LRP1B: variants seen among roughly 807,000 people sequenced by gnomAD.
LRP1B encodes low-density lipoprotein receptor-related protein 1B.
A neutral mutation model predicts 556.6 loss-of-function variants in LRP1B; 217 were observed. The ratio of observed to expected loss-of-function variants is 0.39; its 90% CI spans 0.35 to 0.44. LRP1B has a LOEUF of 0.44. Among genes scored for constraint, LRP1B ranks in the 20% least tolerant of loss-of-function variants. The probability of loss-of-function intolerance (pLI) is 1.00; values close to 1 mark genes in which losing one functional copy is unlikely to be tolerated. For missense variants in LRP1B, 5,053 were observed against 5,620.8 expected, an observed-to-expected ratio of 0.90 and a Z score of 3.23; for synonymous variants, 2,047 against 1,865.8, an observed-to-expected ratio of 1.10 and a Z score of -2.50.
In LRP1B at chr2:140,614,959, A is replaced by G. The variant is rs562798442; in HGVS notation, c.6800-13320T>C. ...TTCCTGGGCATAGGCCAAGCTATCT[A>G]TGGGAAGAATTTAGTTTGTAGTTTA... On this transcript the variant is annotated intron_variant, in intron 41 of 90. Coordinates refer to ENST00000389484, the MANE Select transcript of LRP1B (RefSeq NM_018557.3). 4.6e-5 allele frequency among the ~76,000 whole-genome samples: 7 copies of G among 152,252 alleles called. No homozygotes were observed. In the South Asian group the frequency reaches 1.5e-3, roughly 32 times the overall value.
intron 2 of LRP1B, among the ~76,000 whole-genome samples, chr2:141,758,287 T>A (rs1316426440): frequency 6.6e-6 from 1 of 152,222 alleles, no homozygotes; most frequent in East Asian, 1.9e-4. Context: ...ATCCAATTTA[T>A]TAATTCATGC....
At chr2:141,775,527 T>A (rs1443857855) in intron 2 of LRP1B, among the ~76,000 whole-genome samples, 1 of 152,140 alleles carries the variant, frequency 6.6e-6, no homozygotes, top group Non-Finnish European at 1.5e-5. Flanking sequence ...TAAAGAAATA[T>A]TTAACACTCC....
At chr2:140,239,205 A>T (rs1409238177) in intron 88 of LRP1B, among the ~76,000 whole-genome samples, 1 of 150,792 alleles carries the variant, frequency 6.6e-6, no homozygotes, top group Non-Finnish European at 1.5e-5. Flanking sequence ...GAATAATATG[A>T]TCTCTTGTCA....
intron 2 of LRP1B, among the ~76,000 whole-genome samples, chr2:141,584,871 G>T (rs1687081727): frequency 6.6e-6 from 1 of 152,134 alleles, no homozygotes; most frequent in Non-Finnish European, 1.5e-5. Flanking sequence ...CAGTAGAATG[G>T]TGGTTGCCAG....
At chr2:142,046,812 CAA>C (rs1253689202) in intron 1 of LRP1B, among the ~76,000 whole-genome samples, 1 of 151,910 alleles carries the variant, frequency 6.6e-6, no homozygotes, top group African/African-American at 2.4e-5. Context: ...GCAGCATCTG[CAA>C]AGTTTTGTCT....
chr2:140,936,836 A>C (rs1249907850), intron 20 of LRP1B, among the ~76,000 whole-genome samples: 1 of 152,170 alleles, frequency 6.6e-6, no homozygotes, highest in Admixed American at 6.6e-5. Context: ...TTTCAGACAT[A>C]CAATGTATTA....
At chr2:141,793,762 C>T (rs1277315586) in intron 2 of LRP1B, among the ~76,000 whole-genome samples, 3 of 151,764 alleles carry the variant, frequency 2.0e-5, no homozygotes, top group Admixed American at 1.3e-4. Context: ...TTTGTTTTAA[C>T]GTGTATCAGT....
rs61700578 is a variant in LRP1B at position 141,687,687 on chromosome 2, C to T, written c.205+122592G>A. On this transcript the variant is annotated intron_variant, in intron 2 of 90. Coordinates refer to ENST00000389484, the MANE Select transcript of LRP1B (RefSeq NM_018557.3). The stretch of plus-strand genomic sequence containing the variant: ...TCTTAAAATATAATTTCATTTTTAC[C>T]CTTGTGATTATGATATAGATCAAGA... Among the ~76,000 whole-genome samples, 449 of 151,760 alleles carry T rather than the reference C, an allele frequency of 3.0e-3. 2 individuals carry two copies. The highest frequency in any genetic ancestry group is 0.01 in the African/African-American group (426 of 41,468).
At chr2:141,609,572 AT>A (rs1688033663) in intron 2 of LRP1B, among the ~76,000 whole-genome samples, 1 of 152,200 alleles carries the variant, frequency 6.6e-6, no homozygotes, top group Admixed American at 6.5e-5. Context: ...GTATGCTTAT[AT>A]TATTTCTTTT....
chr2:141,402,738 G>T (rs1573905302), intron 3 of LRP1B, among the ~76,000 whole-genome samples: 1 of 152,026 alleles, frequency 6.6e-6, no homozygotes, highest in Non-Finnish European at 1.5e-5. Context: ...AAGAGAGATT[G>T]TTCACAGATC....
At chr2:141,991,951 T>C (rs1702355524) in intron 1 of LRP1B, among the ~76,000 whole-genome samples, 1 of 152,124 alleles carries the variant, frequency 6.6e-6, no homozygotes, top group African/African-American at 2.4e-5. Context: ...CTGGTATTCC[T>C]GTGGGACTGG....
intron 20 of LRP1B, among the ~76,000 whole-genome samples, chr2:140,940,121 G>A (rs759559215): frequency 6.6e-6 from 1 of 152,012 alleles, no homozygotes; most frequent in Non-Finnish European, 1.5e-5. Flanking sequence ...CTGACCTCAA[G>A]TGATCCGTCT....
intron 3 of LRP1B, among the ~76,000 whole-genome samples, chr2:141,335,726 G>A (rs144341422): frequency 2.6e-4 from 39 of 152,208 alleles, no homozygotes; most frequent in Non-Finnish European, 4.7e-4. Flanking sequence ...CAGAGAAAGA[G>A]GAAGGCAACA....
In LRP1B at chr2:140,851,801, A is replaced by G. The variant is rs1283442750; in HGVS notation, c.4580-18T>C. On this transcript the variant is annotated intron_variant, in intron 27 of 90. Transcript: ENST00000389484. ...ATTGGGAGCTGTAATTACACAGTGA[A>G]ATATGAACAGTGAAGAAGGAAGAAT... The G allele has an allele frequency of 1.3e-6, 2 of 1,584,790 alleles. No homozygotes were observed. The highest frequency in any genetic ancestry group is 1.7e-6 in the Non-Finnish European group (2 of 1,171,230).
intron 1 of LRP1B, among the ~76,000 whole-genome samples, chr2:142,124,921 T>A (rs1418231902): frequency 6.6e-6 from 1 of 151,872 alleles, no homozygotes; most frequent in East Asian, 1.9e-4. Flanking sequence ...ATGGCTATTA[T>A]TTAATAGTTT....
At chr2:140,911,765 T>G (rs1395862963) in intron 21 of LRP1B, among the ~76,000 whole-genome samples, 1 of 151,834 alleles carries the variant, frequency 6.6e-6, no homozygotes, top group East Asian at 1.9e-4. Context: ...TTTATCAAAA[T>G]GCAACTTCCT....
chr2:141,199,792 G>GAC (rs1206682000), intron 6 of LRP1B, among the ~76,000 whole-genome samples: 1 of 151,996 alleles, frequency 6.6e-6, no homozygotes, highest in Non-Finnish European at 1.5e-5. Flanking sequence ...CTCAAAAGAA[G>GAC]ACATACATCT....
At chr2:140,744,014 A>AT (rs1688235238) in intron 35 of LRP1B, among the ~76,000 whole-genome samples, 1 of 149,900 alleles carries the variant, frequency 6.7e-6, no homozygotes, top group African/African-American at 2.4e-5. Context: ...ATCCATAGAC[A>AT]TAGACTAAAA....
intron 47 of LRP1B, among the ~76,000 whole-genome samples, chr2:140,531,335 C>T (rs533126510): frequency 9.9e-5 from 15 of 152,190 alleles, no homozygotes; most frequent in Admixed American, 6.6e-4. Flanking sequence ...CATTTCTTTT[C>T]CTCCTTTCTT....
Sources: allele counts gnomAD v4.1 joint callset (sites outside exome capture counted in the v4.1 genomes callset), GRCh38; gene constraint gnomAD v4.1.1; transcripts MANE v1.5; gene names NCBI Gene and HGNC (gene_info 2026-07-23, HGNC 2026-07-21).